HS3ST4: variants seen among roughly 807,000 people sequenced by gnomAD.
HS3ST4 encodes heparan sulfate-glucosamine 3-sulfotransferase 4, also known as heparan sulfate glucosamine 3-O-sulfotransferase 4.
A neutral mutation model predicts 29.2 loss-of-function variants in HS3ST4; 17 were observed. That is an observed-to-expected ratio of 0.58 (90% CI 0.40 to 0.87). The LOEUF is 0.87. Among genes scored for constraint, HS3ST4 ranks in the 40% least tolerant of loss-of-function variants. HS3ST4 has a pLI of 0.00. For synonymous variants in HS3ST4, 314 were observed against 285.7 expected (o/e 1.10, Z -1.00); for missense variants, 627 against 634.5 (o/e 0.99, Z 0.13).
At chr16:26,050,809 C>T (rs1180450455) in intron 1 of HS3ST4, among the ~76,000 whole-genome samples, 1 of 152,150 alleles carries the variant, frequency 6.6e-6, no homozygotes, top group Non-Finnish European at 1.5e-5. Flanking sequence ...GTGTTATTAC[C>T]GTGAGCCTTA....
intron 1 of HS3ST4, among the ~76,000 whole-genome samples, chr16:26,083,815 T>C (rs770050582): frequency 2.6e-5 from 4 of 152,128 alleles, no homozygotes; most frequent in Non-Finnish European, 4.4e-5. Flanking sequence ...AGTCATGTGA[T>C]GATTGGTAGA....
intron 1 of HS3ST4, among the ~76,000 whole-genome samples, chr16:26,018,615 T>A (rs937220739): frequency 1.3e-5 from 2 of 151,644 alleles, no homozygotes; most frequent in African/African-American, 2.4e-5. Flanking sequence ...GTCAACAGAG[T>A]CAAATATTGA....
chr16:25,829,595 C>T lies in HS3ST4; in HGVS notation c.734+136444C>T, dbSNP rs140431411. Among the ~76,000 whole-genome samples, 240 of 152,048 alleles carry T rather than the reference C, an allele frequency of 1.6e-3. 1 individual carries two copies. The highest frequency in any genetic ancestry group is 5.2e-3 in the African/African-American group (214 of 41,480). ...CTTGCCCCGACCCTGCAACAGGCCC[C>T]GGTGTGTGATGTTCCCTTCCCTGTG... On this transcript the variant is annotated intron_variant, in intron 1 of 1. Transcript: ENST00000331351.
chr16:25,724,650 C>G (rs966298665), intron 1 of HS3ST4, among the ~76,000 whole-genome samples: 1 of 152,056 alleles, frequency 6.6e-6, no homozygotes, highest in Non-Finnish European at 1.5e-5. Flanking sequence ...GCATGAGCCA[C>G]TGCGCTCGGC....
chr16:26,094,921 T>A (rs923323290), intron 1 of HS3ST4, among the ~76,000 whole-genome samples: 1 of 141,332 alleles, frequency 7.1e-6, no homozygotes, highest in African/African-American at 2.7e-5. Flanking sequence ...TGGAGGAAGA[T>A]CTACCAAGCA....
chr16:26,070,245 C>T (rs957731296), intron 1 of HS3ST4, among the ~76,000 whole-genome samples: 2 of 152,164 alleles, frequency 1.3e-5, no homozygotes, highest in African/African-American at 4.8e-5. Context: ...TAATGATCGC[C>T]ATTCTAACTG....
chr16:26,116,388 C>G (rs1003056410), intron 1 of HS3ST4, among the ~76,000 whole-genome samples: 3 of 152,184 alleles, frequency 2.0e-5, no homozygotes, highest in African/African-American at 7.2e-5. Context: ...AAGCAAGTCC[C>G]TGATCACACC....
intron 1 of HS3ST4, among the ~76,000 whole-genome samples, chr16:26,067,213 T>C (rs550411029): frequency 6.6e-4 from 100 of 152,298 alleles, no homozygotes; most frequent in Non-Finnish European, 1.2e-3. Flanking sequence ...CCTGTGCAAA[T>C]ATTATTTTCA....
chr16:26,126,359 C>A (rs1899343345), intron 1 of HS3ST4, among the ~76,000 whole-genome samples: 2 of 152,140 alleles, frequency 1.3e-5, no homozygotes, highest in Admixed American at 1.3e-4. Flanking sequence ...AGTGGTATAA[C>A]CACACCCACA....
intron 1 of HS3ST4, among the ~76,000 whole-genome samples, chr16:25,891,779 T>C (rs1296664125): frequency 6.6e-6 from 1 of 152,202 alleles, no homozygotes; most frequent in Non-Finnish European, 1.5e-5. Context: ...TGCAGTCTTA[T>C]GAAATTATTA....
chr16:25,765,927 C>T (rs1043410815), intron 1 of HS3ST4, among the ~76,000 whole-genome samples: 29 of 152,072 alleles, frequency 1.9e-4, no homozygotes, highest in Non-Finnish European at 5.9e-5. Context: ...AGGGAGAGGG[C>T]TTGGCTCAAG....
At chr16:25,727,286 C>A (rs1966542500) in intron 1 of HS3ST4, among the ~76,000 whole-genome samples, 1 of 151,990 alleles carries the variant, frequency 6.6e-6, no homozygotes, top group Non-Finnish European at 1.5e-5. Flanking sequence ...AGAAGGGATG[C>A]AATGCAGTTA....
chr16:26,054,330 A>G (rs1482916169), intron 1 of HS3ST4, among the ~76,000 whole-genome samples: 1 of 143,388 alleles, frequency 7.0e-6, no homozygotes, highest in Non-Finnish European at 1.5e-5. Flanking sequence ...GAAGAAGAAG[A>G]GAAGAAGAAG....
At chr16:25,839,901 G>T (rs1344229707) in intron 1 of HS3ST4, among the ~76,000 whole-genome samples, 1 of 151,980 alleles carries the variant, frequency 6.6e-6, no homozygotes, top group Non-Finnish European at 1.5e-5. Flanking sequence ...CAATCCCTTT[G>T]CTGAAAAAAG....
rs1390499399 is a variant in HS3ST4 at position 25,873,324 on chromosome 16, T to TCCATCCA, written c.734+180173_734+180174insCCATCCA. ...CATCCATCCATCCATCCATCCATCC[T>TCCATCCA]TCCTTCCTTCCTTTCATCCATCTAT... is the stretch of plus-strand genomic sequence containing the variant. On this transcript the variant is annotated intron_variant, in intron 1 of 1. Coordinates refer to ENST00000331351, the MANE Select transcript of HS3ST4 (RefSeq NM_006040.3). Among the ~76,000 whole-genome samples, 329 of 50,374 alleles carry TCCATCCA rather than the reference T, an allele frequency of 6.5e-3. 2 individuals carry two copies. Among genetic ancestry groups the TCCATCCA allele is most frequent in the African/African-American group, 0.012 (168 of 13,856 alleles). The allele number at this position is 50,374 out of a possible 152,430, so 33.0% of individuals were successfully genotyped here.
intron 1 of HS3ST4, among the ~76,000 whole-genome samples, chr16:25,711,617 C>T (rs2141585084): frequency 6.6e-6 from 1 of 152,206 alleles, no homozygotes; most frequent in South Asian, 2.1e-4. Context: ...CCAAAATTGA[C>T]TACTGCCTTT....
chr16:25,896,623 C>T (rs1968068366), intron 1 of HS3ST4, among the ~76,000 whole-genome samples: 1 of 152,028 alleles, frequency 6.6e-6, no homozygotes, highest in Admixed American at 6.6e-5. Context: ...TTATTCAACC[C>T]AGCAATCCCA....
At chr16:25,882,866 C>T (rs886707227) in intron 1 of HS3ST4, among the ~76,000 whole-genome samples, 12 of 152,122 alleles carry the variant, frequency 7.9e-5, no homozygotes, top group Non-Finnish European at 1.6e-4. Flanking sequence ...CAGGCAAACT[C>T]GCTTCTTCCT....
chr16:26,059,124 G>C (rs776644103), intron 1 of HS3ST4, among the ~76,000 whole-genome samples: 2 of 152,142 alleles, frequency 1.3e-5, no homozygotes, highest in Non-Finnish European at 1.5e-5. Context: ...CAAAGAATGA[G>C]ACAGAGACAG....
Sources: allele counts gnomAD v4.1 joint callset (sites outside exome capture counted in the v4.1 genomes callset), GRCh38; gene constraint gnomAD v4.1.1; transcripts MANE v1.5; gene names NCBI Gene and HGNC (gene_info 2026-07-23, HGNC 2026-07-21).